TMEM132B: variants seen among roughly 807,000 people sequenced by gnomAD.
TMEM132B encodes the protein transmembrane protein 132B.
TMEM132B carries 18 observed loss-of-function variants against 90.8 expected under a neutral mutation model. The ratio of observed to expected loss-of-function variants is 0.20; its 90% CI spans 0.14 to 0.29. TMEM132B has a LOEUF of 0.29. Ranked by LOEUF, TMEM132B falls within the 10% of genes least tolerant of loss-of-function variation. The pLI, the probability that TMEM132B is intolerant of heterozygous loss-of-function variation, is 1.00. For synonymous variants in TMEM132B, 504 were observed against 523.3 expected, an observed-to-expected ratio of 0.96 and a Z score of 0.50; for missense variants, 1,096 against 1,326.8, an observed-to-expected ratio of 0.83 and a Z score of 2.70.
chr12:125,272,265 G>C lies in TMEM132B; in HGVS notation c.68-77187G>C, dbSNP rs150902923. Among the ~76,000 whole-genome samples the C allele has an allele frequency of 7.2e-3, 1,093 of 152,280 alleles. 15 individuals carry two copies. The highest frequency in any genetic ancestry group is 0.025 in the African/African-American group (1,049 of 41,538). ...AGGGCTGTGGAGGGCTTTGAATTCC[G>C]AGCTAAAGGGATTGTTGCATTTGTT... On this transcript the variant is annotated intron_variant, in intron 1 of 8. Coordinates refer to ENST00000682704, the MANE Select transcript of TMEM132B (RefSeq NM_001366854.1).
intron 3 of TMEM132B, among the ~76,000 whole-genome samples, chr12:125,483,025 C>T (rs1373932733): frequency 7.1e-6 from 1 of 141,244 alleles, no homozygotes; most frequent in Non-Finnish European, 1.5e-5. Flanking sequence ...TGTTCTCACT[C>T]ATAGGTGGGA....
intron 5 of TMEM132B, among the ~76,000 whole-genome samples, chr12:125,605,582 A>G (rs1885674162): frequency 6.6e-6 from 1 of 152,172 alleles, no homozygotes; most frequent in African/African-American, 2.4e-5. Flanking sequence ...TCCCTATATT[A>G]GTATGAAAAA....
At chr12:125,238,210 G>C (rs1373293206) in intron 1 of TMEM132B, among the ~76,000 whole-genome samples, 1 of 151,688 alleles carries the variant, frequency 6.6e-6, no homozygotes, top group Non-Finnish European at 1.5e-5. Flanking sequence ...GGTCGCCTCT[G>C]TTTGTCAAAA....
At chr12:125,289,034 G>C (rs572120267) in intron 1 of TMEM132B, among the ~76,000 whole-genome samples, 9 of 152,292 alleles carry the variant, frequency 5.9e-5, no homozygotes, top group African/African-American at 2.2e-4. Context: ...CTTATTGCAA[G>C]GAGTTAAGCA....
rs373207842 is a variant in TMEM132B, at chr12:125,561,363, G to T, written c.1294-22488G>T. Among the ~76,000 whole-genome samples, 8 of 150,290 alleles carry T rather than the reference G, an allele frequency of 5.3e-5. No homozygotes were observed. The East Asian group carries it at 7.8e-4, about 15-fold the overall frequency. On this transcript the variant is annotated intron_variant, in intron 4 of 8. Coordinates refer to ENST00000682704, the MANE Select transcript of TMEM132B (RefSeq NM_001366854.1). The stretch of plus-strand genomic sequence containing the variant: ...AGGGAGGGGAACATCACACACCGGG[G>T]CCTGTCAGGGGGTAGGGGGCTAGGG...
intron 3 of TMEM132B, among the ~76,000 whole-genome samples, chr12:125,499,185 C>T (rs1462627110): frequency 6.6e-6 from 1 of 152,184 alleles, no homozygotes; most frequent in African/African-American, 2.4e-5. Flanking sequence ...TCTTGTATCT[C>T]TAGACATTTG....
At chr12:125,333,422 C>T (rs1415355780) in intron 1 of TMEM132B, among the ~76,000 whole-genome samples, 1 of 152,204 alleles carries the variant, frequency 6.6e-6, no homozygotes, top group Non-Finnish European at 1.5e-5. Flanking sequence ...ATTACTCAAC[C>T]CACTACATAC....
chr12:125,566,023 T>G (rs1884650282), intron 4 of TMEM132B, among the ~76,000 whole-genome samples: 1 of 152,234 alleles, frequency 6.6e-6, no homozygotes, highest in Admixed American at 6.5e-5. Context: ...GCAGGAGTGC[T>G]GTGAGGAAGG....
intron 3 of TMEM132B, among the ~76,000 whole-genome samples, chr12:125,471,698 A>G (rs547419963): frequency 6.6e-6 from 1 of 152,288 alleles, no homozygotes; most frequent in East Asian, 1.9e-4. Flanking sequence ...TTGCCTTTTA[A>G]TGAACTGCCT....
At chr12:125,378,916 ATTG>A (rs1878576400) in intron 2 of TMEM132B, among the ~76,000 whole-genome samples, 1 of 152,222 alleles carries the variant, frequency 6.6e-6, no homozygotes, top group South Asian at 2.1e-4. Context: ...ACTGCCTGTT[ATTG>A]TTGTTGGAGG....
intron 4 of TMEM132B, among the ~76,000 whole-genome samples, chr12:125,539,703 A>T (rs1336533507): frequency 1.3e-5 from 2 of 151,986 alleles, no homozygotes; most frequent in East Asian, 1.9e-4. Flanking sequence ...TAGTGATGTC[A>T]CCCTTCTTAT....
In TMEM132B at chr12:125,277,491, TGAA is replaced by T. The variant is rs1035598013; in HGVS notation, c.68-71958_68-71956del. On this transcript the variant is annotated intron_variant, in intron 1 of 8. Transcript: ENST00000682704. This position sits in a 1 kb window ranked among gnomAD's most constrained non-coding sequence, Gnocchi z 4.3. Reference sequence around the variant, plus strand: ...AAGACTCTGTCTCAAAAAAAAAAGATGAAGAGGGAGAACACACACACACACACA... The same window carrying T: ...AAGACTCTGTCTCAAAAAAAAAAGATGAGGGAGAACACACACACACACACA... Among the ~76,000 whole-genome samples the T allele has an allele frequency of 6.0e-5, 6 of 100,466 alleles. No individual in the cohort carries two copies. The highest frequency in any genetic ancestry group is 2.8e-4 in the African/African-American group (5 of 17,856). The allele number at this position is 100,466 out of a possible 152,430, so 65.9% of individuals were successfully genotyped here. A position where few individuals can be genotyped will look rare whatever the true frequency, so the allele number is the denominator to read the frequency against.
intron 3 of TMEM132B, among the ~76,000 whole-genome samples, chr12:125,469,617 C>T (rs1881657685): frequency 6.6e-6 from 1 of 152,150 alleles, no homozygotes. Context: ...GGAAGAGTCT[C>T]CACTGGAGCT....
At chr12:125,241,470 C>A (rs1458436681) in intron 1 of TMEM132B, among the ~76,000 whole-genome samples, 1 of 152,162 alleles carries the variant, frequency 6.6e-6, no homozygotes. Context: ...TGTTTACTCA[C>A]CCCAGGCCCT....
At chr12:125,368,512 A>G (rs924299750) in intron 2 of TMEM132B, among the ~76,000 whole-genome samples, 1 of 152,080 alleles carries the variant, frequency 6.6e-6, no homozygotes, top group Admixed American at 6.6e-5. Flanking sequence ...TTATTTATTC[A>G]TTGTTTAATT....
chr12:125,635,022 A>C (rs1886449657), intron 5 of TMEM132B, among the ~76,000 whole-genome samples: 1 of 152,270 alleles, frequency 6.6e-6, no homozygotes, highest in African/African-American at 2.4e-5. Flanking sequence ...TGTGGACTAG[A>C]CTGCCTTTCA....
chr12:125,440,699 G>A (rs1880845836), intron 3 of TMEM132B, among the ~76,000 whole-genome samples: 1 of 152,098 alleles, frequency 6.6e-6, no homozygotes, highest in South Asian at 2.1e-4. Flanking sequence ...CCAATATGTA[G>A]GCAACAAATC....
chr12:125,427,513 A>G (rs565386180), intron 3 of TMEM132B, among the ~76,000 whole-genome samples: 67 of 152,322 alleles, frequency 4.4e-4, no homozygotes, highest in African/African-American at 1.5e-3. Flanking sequence ...GAATGTTTTA[A>G]GTCCAACGCT....
intron 5 of TMEM132B, among the ~76,000 whole-genome samples, chr12:125,621,984 T>C (rs117413056): frequency 6.6e-6 from 1 of 152,330 alleles, no homozygotes; most frequent in East Asian, 1.9e-4. Context: ...AGATTTCCCA[T>C]TTCTCTTGAA....
Sources: gnomAD v4.1 joint callset for allele counts (sites outside exome capture counted in the v4.1 genomes callset) on GRCh38, gnomAD v4.1.1 for gene constraint, Gnocchi (gnomAD v3.1) non-coding constraint, MANE v1.5 for transcripts, NCBI Gene and HGNC (gene_info 2026-07-23, HGNC 2026-07-21) for gene names.